The following CDK6 variants were observed in gnomAD, a reference collection of about 807,000 sequenced individuals.
CDK6 encodes the protein cyclin-dependent kinase 6.
In CDK6, 6 loss-of-function variants were observed where a neutral mutation model predicts 37.1. The ratio of observed to expected loss-of-function variants is 0.16; its 90% CI spans 0.09 to 0.32. The LOEUF is 0.32. Ranked by LOEUF, CDK6 falls within the 10% of genes least tolerant of loss-of-function variation. CDK6 has a pLI of 1.00. For synonymous variants in CDK6, 160 were observed against 161.3 expected (o/e 0.99, Z 0.06); for missense variants, 224 against 418.9 (o/e 0.53, Z 4.06).
At chr7:92,761,494 TA>T (rs1229671578) in intron 3 of CDK6, among the ~76,000 whole-genome samples, 1 of 152,194 alleles carries the variant, frequency 6.6e-6, no homozygotes, top group African/African-American at 2.4e-5. Context: ...TTTCCTGCTG[TA>T]CAAAGGGTTA....
chr7:92,730,295 G>A (rs138392658), intron 3 of CDK6, among the ~76,000 whole-genome samples: 25 of 152,280 alleles, frequency 1.6e-4, no homozygotes, highest in Non-Finnish European at 2.9e-4. Context: ...CTTATACTCT[G>A]TAAACCTCAG....
rs2116457406 is a variant in CDK6, at chr7:92,605,756, C to G, written c.*9384G>C. The G allele has an allele frequency of 4.3e-6, 1 of 233,228 alleles. No individual in the cohort carries two copies. Among genetic ancestry groups the G allele is most frequent in the East Asian group, 6.0e-5 (1 of 16,566 alleles). The allele number at this position is 233,228 out of a possible 1,614,324, so 14.4% of individuals were successfully genotyped here. ...CCCTTCCCCTCTTGCTATGTCTATA[C>G]CATACCTGAGGCCATTTTTCTTAGA... On this transcript the variant is annotated 3_prime_UTR_variant, in exon 8 of 8. Coordinates refer to ENST00000424848, the MANE Select transcript of CDK6 (RefSeq NM_001145306.2).
chr7:92,649,636 A>G (rs1393121112), intron 5 of CDK6, among the ~76,000 whole-genome samples: 1 of 152,228 alleles, frequency 6.6e-6, no homozygotes, highest in Admixed American at 6.5e-5. Context: ...ACAATAAACC[A>G]TGAGAGAGGT....
At chr7:92,667,118 T>TA (rs1440835700) in intron 5 of CDK6, among the ~76,000 whole-genome samples, 23 of 151,944 alleles carry the variant, frequency 1.5e-4, no homozygotes, top group African/African-American at 5.5e-4. Context: ...GTTTAAAAAG[T>TA]AAAAAAATAA....
chr7:92,647,812 G>C (rs1796485043), intron 5 of CDK6, among the ~76,000 whole-genome samples: 1 of 152,242 alleles, frequency 6.6e-6, no homozygotes, highest in Admixed American at 6.5e-5. Context: ...TGGTGTAGTG[G>C]ACGCAGGGGA....
At chr7:92,710,361 G>T (rs1332416718) in intron 4 of CDK6, among the ~76,000 whole-genome samples, 1 of 152,180 alleles carries the variant, frequency 6.6e-6, no homozygotes. Flanking sequence ...GAATACTGTT[G>T]TATGTGATAT....
chr7:92,657,553 CTGAGA>C (rs1050306656), intron 5 of CDK6, among the ~76,000 whole-genome samples: 73 of 152,244 alleles, frequency 4.8e-4, no homozygotes, highest in African/African-American at 1.7e-3. Flanking sequence ...GGGATGTGAT[CTGAGA>C]TAATTTTTTT....
At chr7:92,717,193 C>A (rs574839401) in intron 4 of CDK6, among the ~76,000 whole-genome samples, 6 of 151,614 alleles carry the variant, frequency 4.0e-5, no homozygotes, top group African/African-American at 1.5e-4. Context: ...AAAAAAAGAA[C>A]GTAGCTGGGC....
intron 4 of CDK6, among the ~76,000 whole-genome samples, chr7:92,698,626 A>G (rs1797773246): frequency 6.6e-6 from 1 of 152,170 alleles, no homozygotes; most frequent in African/African-American, 2.4e-5. Flanking sequence ...TTGATTATGT[A>G]TTGTTTAACC....
At position 92,833,355 on chromosome 7, in the gene CDK6, TGGGGCGGGCGGGGGGTGCGCTC is replaced by T; in HGVS notation, c.-54_-33del. ...TGGACGCCGCCCGCCGCGGCGCCGC[TGGGGCGGGCGGGGGGTGCGCTC>T]AACTAGCTGGCGGCCGCCGCTCGCC... is the stretch of plus-strand genomic sequence containing the variant. On this transcript the variant is annotated 5_prime_UTR_variant, in exon 2 of 8. Coordinates refer to ENST00000424848, the MANE Select transcript of CDK6 (RefSeq NM_001145306.2). The surrounding 1 kb of genome is among the most constrained non-coding windows in gnomAD (Gnocchi z 6.1). 1 of 1,473,652 alleles carries T rather than the reference TGGGGCGGGCGGGGGGTGCGCTC, an allele frequency of 6.8e-7. No homozygotes were observed. Among genetic ancestry groups the T allele is most frequent in the Non-Finnish European group, 9.2e-7 (1 of 1,092,156 alleles). 91.3% of individuals were successfully genotyped at this position (1,473,652 alleles called of 1,614,324 possible). A position where few individuals can be genotyped will look rare whatever the true frequency, so the allele number is the denominator to read the frequency against.
intron 4 of CDK6, among the ~76,000 whole-genome samples, chr7:92,685,843 C>T (rs1434225578): frequency 6.6e-6 from 1 of 152,172 alleles, no homozygotes; most frequent in Admixed American, 6.6e-5. Flanking sequence ...TGATGTTAAG[C>T]AGTTATCTAT....
At chr7:92,814,555 CAAAAAAA>C (rs201939605) in intron 2 of CDK6, among the ~76,000 whole-genome samples, 6 of 70,020 alleles carry the variant, frequency 8.6e-5, no homozygotes, top group East Asian at 1.0e-3. Flanking sequence ...AACTGAATTG[CAAAAAAA>C]AAAAAAAAAA....
intron 5 of CDK6, among the ~76,000 whole-genome samples, chr7:92,653,195 T>C (rs1796614939): frequency 6.6e-6 from 1 of 152,200 alleles, no homozygotes; most frequent in Admixed American, 6.5e-5. Flanking sequence ...GTGAATTCCA[T>C]GGATTGTCTC....
chr7:92,769,273 A>C (rs1441851881), intron 3 of CDK6, among the ~76,000 whole-genome samples: 1 of 152,230 alleles, frequency 6.6e-6, no homozygotes, highest in Non-Finnish European at 1.5e-5. Context: ...AAAACGACCC[A>C]CACAGACATG....
rs1585332953 is a variant in CDK6 at position 92,610,191 on chromosome 7, C to G, written c.*4949G>C. On this transcript the variant is annotated 3_prime_UTR_variant, in exon 8 of 8. Transcript: ENST00000424848. ...CAAGAAAAGTCACCTTCCTTTCCTACCACATCAACTTCAAATTGCTGTAAC... is the reference window on the plus strand; with the variant it reads ...CAAGAAAAGTCACCTTCCTTTCCTAGCACATCAACTTCAAATTGCTGTAAC... The G allele has an allele frequency of 4.3e-6, 1 of 231,912 alleles. No homozygotes were observed. Among genetic ancestry groups the G allele is most frequent in the Non-Finnish European group, 8.5e-6 (1 of 117,318 alleles). The allele number at this position is 231,912 out of a possible 1,614,324, so 14.4% of individuals were successfully genotyped here.
intron 2 of CDK6, among the ~76,000 whole-genome samples, chr7:92,808,818 A>G (rs1450621529): frequency 6.6e-6 from 1 of 152,216 alleles, no homozygotes; most frequent in Non-Finnish European, 1.5e-5. Flanking sequence ...AGGAATACAT[A>G]TTACTGCATA....
At chr7:92,725,382 G>A (rs1798487219) in intron 4 of CDK6, 1 of 934,950 alleles carries the variant, frequency 1.1e-6, no homozygotes, top group Admixed American at 6.2e-5. Context: ...TTCCTGTCCA[G>A]TGGCTAAGAT....
chr7:92,742,742 TACAC>T (rs57808535), intron 3 of CDK6, among the ~76,000 whole-genome samples: 1 of 150,458 alleles, frequency 6.6e-6, no homozygotes, highest in Non-Finnish European at 1.5e-5. Flanking sequence ...CATATATATA[TACAC>T]ACACACACAC....
chr7:92,644,434 C>T (rs1224198087), intron 5 of CDK6, among the ~76,000 whole-genome samples: 1 of 152,188 alleles, frequency 6.6e-6, no homozygotes, highest in African/African-American at 2.4e-5. Context: ...TGTGTACTCT[C>T]TTCATGGAGC....
Sources: gnomAD v4.1 joint callset for allele counts (sites outside exome capture counted in the v4.1 genomes callset) on GRCh38, gnomAD v4.1.1 for gene constraint, Gnocchi (gnomAD v3.1) non-coding constraint, MANE v1.5 for transcripts, NCBI Gene and HGNC (gene_info 2026-07-23, HGNC 2026-07-21) for gene names.